Variants in NAMPT observed in about 807,000 individuals in gnomAD.
NAMPT encodes the protein nicotinamide phosphoribosyltransferase, also known as NAmPRTase.
A neutral mutation model predicts 58.7 loss-of-function variants in NAMPT; 7 were observed. That is an observed-to-expected ratio of 0.12 (90% CI 0.07 to 0.22). The LOEUF (loss-of-function observed/expected upper bound fraction) is 0.22. Ranked by LOEUF, NAMPT falls within the 10% of genes least tolerant of loss-of-function variation. NAMPT has a pLI of 1.00. For synonymous variants in NAMPT, 145 were observed against 198.1 expected (o/e 0.73, Z 2.25); for missense variants, 271 against 567.9 (o/e 0.48, Z 5.31).
intron 8 of NAMPT, among the ~76,000 whole-genome samples, chr7:106,258,259 CCAT>C (rs906738856): frequency 6.6e-6 from 1 of 151,816 alleles, no homozygotes; most frequent in Admixed American, 6.6e-5. Flanking sequence ...TCTAAATACA[CCAT>C]CACCGCAGAA....
At chr7:106,251,677 A>G (rs1315974205) in intron 10 of NAMPT, among the ~76,000 whole-genome samples, 1 of 152,136 alleles carries the variant, frequency 6.6e-6, no homozygotes, top group Non-Finnish European at 1.5e-5. Flanking sequence ...AAACCCACAA[A>G]AAGCCAAAAG....
At chr7:106,282,043 A>G (rs1326061848) in intron 1 of NAMPT, among the ~76,000 whole-genome samples, 1 of 152,166 alleles carries the variant, frequency 6.6e-6, no homozygotes, top group African/African-American at 2.4e-5. Flanking sequence ...AATGTCACAT[A>G]TATCTTTATG....
chr7:106,255,782 T>C (rs949798788), intron 8 of NAMPT, among the ~76,000 whole-genome samples: 7 of 152,126 alleles, frequency 4.6e-5, no homozygotes, highest in African/African-American at 9.7e-5. Context: ...CTTTAAATAA[T>C]TGTGAACAAA....
Position 106,250,322 on chromosome 7 carries a change from A to C in NAMPT, c.*761T>G, listed in dbSNP as rs1297563899. ...GAGGTGCATATTAGAGCCACAGGCA[A>C]TCTCTGACATATAAAATTGCAGTAC... On this transcript the variant is annotated 3_prime_UTR_variant, in exon 11 of 11. Coordinates refer to ENST00000222553, the MANE Select transcript of NAMPT (RefSeq NM_005746.3). 1.3e-5 allele frequency: 2 copies of C among 152,400 alleles called. No homozygotes were observed. Among genetic ancestry groups the C allele is most frequent in the Non-Finnish European group, 2.9e-5 (2 of 67,924 alleles). 9.4% of individuals were successfully genotyped at this position (152,400 alleles called of 1,614,324 possible).
At chr7:106,279,800 A>C (rs774647065) in intron 1 of NAMPT, among the ~76,000 whole-genome samples, 1 of 152,208 alleles carries the variant, frequency 6.6e-6, no homozygotes, top group Non-Finnish European at 1.5e-5. Context: ...ATGCTATGAA[A>C]ATGTAAGAGA....
chr7:106,266,522 G>C (rs1009229440), intron 6 of NAMPT, among the ~76,000 whole-genome samples: 5 of 152,184 alleles, frequency 3.3e-5, no homozygotes, highest in African/African-American at 4.8e-5. Context: ...GTATGTAAAA[G>C]TGTTCAACAA....
Position 106,248,536 on chromosome 7 carries a change from ATTGT to A in NAMPT, c.*2543_*2546del, listed in dbSNP as rs1484717167. 2 of 152,344 alleles carry A rather than the reference ATTGT, an allele frequency of 1.3e-5. No homozygotes were observed. Among genetic ancestry groups the A allele is most frequent in the Non-Finnish European group, 2.9e-5 (2 of 67,990 alleles). 9.4% of individuals were successfully genotyped at this position (152,344 alleles called of 1,614,324 possible). A position where few individuals can be genotyped will look rare whatever the true frequency, so the allele number is the denominator to read the frequency against. On this transcript the variant is annotated 3_prime_UTR_variant, in exon 11 of 11. Coordinates refer to ENST00000222553, the MANE Select transcript of NAMPT (RefSeq NM_005746.3). The stretch of plus-strand genomic sequence containing the variant: ...TTCCAAGATAGATTTCATTATAAAA[ATTGT>A]TTGATAACAATTTAAGAAGGGAAAA...
At chr7:106,277,610 T>C (rs548184758) in intron 1 of NAMPT, among the ~76,000 whole-genome samples, 1 of 152,328 alleles carries the variant, frequency 6.6e-6, no homozygotes, top group South Asian at 2.1e-4. Flanking sequence ...ATGACTACTT[T>C]ACTTGTACAA....
At chr7:106,261,537 A>AACTT in intron 8 of NAMPT, 51 bp downstream of exon 8, 1 of 1,376,440 alleles carries the variant, frequency 7.3e-7, no homozygotes, top group Non-Finnish European at 1.0e-6. Flanking sequence ...AACATAAACA[A>AACTT]ACTTAATTAT....
chr7:106,266,089 A>G (rs1792402867), intron 6 of NAMPT, among the ~76,000 whole-genome samples: 1 of 152,182 alleles, frequency 6.6e-6, no homozygotes, highest in African/African-American at 2.4e-5. Context: ...GACTTGCCCA[A>G]GGCCACCCAC....
chr7:106,272,057 AT>A, intron 4 of NAMPT: 1 of 363,372 alleles, frequency 2.8e-6, no homozygotes, highest in Non-Finnish European at 5.5e-6. Context: ...ATCTTGTTTT[AT>A]TTAGATGAGA....
At chr7:106,259,536 T>C (rs1792266475) in intron 8 of NAMPT, among the ~76,000 whole-genome samples, 1 of 152,174 alleles carries the variant, frequency 6.6e-6, no homozygotes, top group Non-Finnish European at 1.5e-5. Context: ...GCAATTCTCC[T>C]GCCTCAGCCT....
intron 9 of NAMPT, 113 bp from the exon 10 acceptor site, chr7:106,253,264 A>T: frequency 8.8e-7 from 1 of 1,139,168 alleles, no homozygotes; most frequent in East Asian, 2.6e-5. Context: ...TTAAGCACTT[A>T]ATAGGTATAA....
rs184390544 is a variant in NAMPT, at chr7:106,262,664, C to T, written c.969+728G>A. On this transcript the variant is annotated intron_variant, in intron 7 of 10. Coordinates refer to ENST00000222553, the MANE Select transcript of NAMPT (RefSeq NM_005746.3). ...AAGTAGCAAGGCTGCAGCCAAAAGA[C>T]CTACACTGGATATCTGACTCCTTAT... Among the ~76,000 whole-genome samples, 288 of 150,784 alleles carry T rather than the reference C, an allele frequency of 1.9e-3. 3 individuals are homozygous for T. The highest frequency in any genetic ancestry group is 6.8e-3 in the African/African-American group (280 of 41,012).
intron 8 of NAMPT, among the ~76,000 whole-genome samples, chr7:106,258,416 G>A (rs983885571): frequency 6.6e-6 from 1 of 152,198 alleles, no homozygotes; most frequent in African/African-American, 2.4e-5. Context: ...GATACCATCT[G>A]AGATTCGTAT....
chr7:106,284,948 A>G lies in NAMPT; in HGVS notation c.-64T>C, dbSNP rs991603683. On this transcript the variant is annotated 5_prime_UTR_variant, in exon 1 of 11. Transcript: ENST00000222553. The stretch of plus-strand genomic sequence containing the variant: ...CTGGCGCGGCTGCGAGGAAGGAGAA[A>G]AATGAGCTTCACCGCGCTCCGTTGC... The G allele has an allele frequency of 6.5e-7, 1 of 1,548,712 alleles. No individual in the cohort carries two copies.
chr7:106,284,531 G>C (rs1418659654), intron 1 of NAMPT: 1 of 156,820 alleles, frequency 6.4e-6, no homozygotes, highest in Non-Finnish European at 1.4e-5. Context: ...GAGCACCGGC[G>C]CCCGGGAGTC....
chr7:106,266,721 GACT>G (rs2115772478), intron 6 of NAMPT, among the ~76,000 whole-genome samples: 1 of 152,188 alleles, frequency 6.6e-6, no homozygotes, highest in African/African-American at 2.4e-5. Context: ...TTCCTATAAA[GACT>G]ACCTTCTGAT....
intron 4 of NAMPT, among the ~76,000 whole-genome samples, chr7:106,269,954 T>G (rs1485113772): frequency 6.6e-6 from 1 of 152,230 alleles, no homozygotes; most frequent in Non-Finnish European, 1.5e-5. Context: ...TGTACTTAGC[T>G]TTTATCAAAT....
Sources: gnomAD v4.1 joint callset for allele counts (sites outside exome capture counted in the v4.1 genomes callset) on GRCh38, gnomAD v4.1.1 for gene constraint, MANE v1.5 for transcripts, NCBI Gene and HGNC (gene_info 2026-07-23, HGNC 2026-07-21) for gene names.